The following EEA1 variants were observed in gnomAD, a reference collection of about 807,000 sequenced individuals.
EEA1 encodes early endosome antigen 1.
Under a neutral mutation model 209.2 loss-of-function variants are expected in EEA1, and 111 were observed. The ratio of observed to expected loss-of-function variants is 0.53; its 90% CI spans 0.45 to 0.62. The LOEUF is 0.62. Among genes scored for constraint, EEA1 ranks in the 20% least tolerant of loss-of-function variants. The pLI is 0.00. For missense variants in EEA1, 1,343 were observed against 1,530.8 expected, an observed-to-expected ratio of 0.88 and a Z score of 2.05; for synonymous variants, 536 against 540.6, an observed-to-expected ratio of 0.99 and a Z score of 0.12.
chr12:92,790,537 T>C (rs1010439671), intron 21 of EEA1, among the ~76,000 whole-genome samples: 5 of 152,166 alleles, frequency 3.3e-5, no homozygotes, highest in Middle Eastern at 3.4e-3. Flanking sequence ...GTATCAGTGA[T>C]TGAAGATCAA....
intron 10 of EEA1, among the ~76,000 whole-genome samples, chr12:92,841,913 G>A (rs905182204): frequency 2.0e-5 from 3 of 152,156 alleles, no homozygotes; most frequent in Admixed American, 6.6e-5. Flanking sequence ...AGAGATATTT[G>A]TACAGCCATG....
chr12:92,922,402 T>C (rs1040352243), intron 1 of EEA1, among the ~76,000 whole-genome samples: 2 of 152,234 alleles, frequency 1.3e-5, no homozygotes, highest in African/African-American at 4.8e-5. Context: ...ATTCAAACTT[T>C]CGTTATCCCT....
intron 5 of EEA1, among the ~76,000 whole-genome samples, chr12:92,855,452 T>C (rs931021219): frequency 1.1e-5 from 1 of 90,884 alleles, no homozygotes; most frequent in African/African-American, 4.3e-5. Context: ...AAAAAAAAAA[T>C]GCTATCAAAC....
chr12:92,794,742 G>A (rs1428104282), intron 21 of EEA1, among the ~76,000 whole-genome samples: 1 of 148,850 alleles, frequency 6.7e-6, no homozygotes, highest in African/African-American at 2.5e-5. Flanking sequence ...GGGGTGGGGG[G>A]CTGGGGGAGG....
chr12:92,782,234 A>G, intron 22 of EEA1, 99 bp from the exon 23 acceptor site: 1 of 959,210 alleles, frequency 1.0e-6, no homozygotes, highest in Non-Finnish European at 1.5e-6. Flanking sequence ...AATAAACTAT[A>G]AAAAGATAGC....
chr12:92,906,019 G>A (rs2446969), intron 1 of EEA1, among the ~76,000 whole-genome samples: 52,975 of 151,500 alleles, frequency 0.35, 10,870 homozygotes, highest in East Asian at 0.88. Flanking sequence ...CCATCCTCCC[G>A]CCTCAGCCTA....
intron 2 of EEA1, among the ~76,000 whole-genome samples, chr12:92,890,101 T>A (rs1185115002): frequency 6.6e-6 from 1 of 152,242 alleles, no homozygotes; most frequent in African/African-American, 2.4e-5. Context: ...TAACACATGG[T>A]ACCTGAAGAC....
chr12:92,884,476 T>G, intron 2 of EEA1: 1 of 1,483,550 alleles, frequency 6.7e-7, no homozygotes, highest in Non-Finnish European at 9.3e-7. Flanking sequence ...ATGGCTATAA[T>G]GGATTTGGTA....
chr12:92,801,827 A>G, intron 19 of EEA1, 126 bp from the exon 20 acceptor site: 1 of 540,260 alleles, frequency 1.9e-6, no homozygotes, highest in South Asian at 4.4e-5. Flanking sequence ...AAGATGAGAC[A>G]GGATCATCCA....
intron 2 of EEA1, among the ~76,000 whole-genome samples, chr12:92,878,161 G>A (rs1216798571): frequency 6.6e-6 from 1 of 152,152 alleles, no homozygotes; most frequent in Non-Finnish European, 1.5e-5. Flanking sequence ...AACACTTCAG[G>A]AGGCCAAGGT....
chr12:92,866,429 G>A (rs1055401642), intron 2 of EEA1, among the ~76,000 whole-genome samples: 4 of 151,796 alleles, frequency 2.6e-5, no homozygotes, highest in Admixed American at 1.3e-4. Flanking sequence ...CTTCGGCACT[G>A]TAAGCAACAA....
intron 1 of EEA1, among the ~76,000 whole-genome samples, chr12:92,900,082 CT>C (rs1383315729): frequency 6.6e-6 from 1 of 152,094 alleles, no homozygotes; most frequent in East Asian, 1.9e-4. Flanking sequence ...TTAAAACCTA[CT>C]ATGCTGATCC....
chr12:92,881,083 TC>T (rs1879118065), intron 2 of EEA1, among the ~76,000 whole-genome samples: 3 of 152,116 alleles, frequency 2.0e-5, no homozygotes, highest in Non-Finnish European at 4.4e-5. Context: ...GATGAGGTAG[TC>T]CTCCCACTGC....
chr12:92,851,063 C>CTACA lies in EEA1; in HGVS notation c.798+44_798+47dup, dbSNP rs777274614. ...TCCTGGCTTCACTCAATAGTATACACTACACAAGCTAATATGAATCACATT... is the reference window on the plus strand; with the variant it reads ...TCCTGGCTTCACTCAATAGTATACACTACATACACAAGCTAATATGAATCACATT... On this transcript the variant is annotated intron_variant, in intron 9 of 28. Transcript: ENST00000322349. The CTACA allele has an allele frequency of 2.0e-3, 3,170 of 1,588,744 alleles. 6 individuals carry two copies. Among genetic ancestry groups the CTACA allele is most frequent in the Non-Finnish European group, 2.4e-3 (2,825 of 1,166,548 alleles).
At chr12:92,819,556 A>AGC in intron 13 of EEA1, 45 bp from the exon 14 acceptor site, 1 of 1,360,498 alleles carries the variant, frequency 7.4e-7, no homozygotes. Context: ...GAGAACTTAA[A>AGC]AAGTTATTCC....
intron 22 of EEA1, among the ~76,000 whole-genome samples, chr12:92,783,450 A>C (rs1466206043): frequency 6.6e-6 from 1 of 152,218 alleles, no homozygotes; most frequent in Non-Finnish European, 1.5e-5. Flanking sequence ...CATGGAATAA[A>C]AATAATAACA....
At chr12:92,922,718 C>G (rs549114960) in intron 1 of EEA1, among the ~76,000 whole-genome samples, 1 of 148,518 alleles carries the variant, frequency 6.7e-6, no homozygotes, top group African/African-American at 2.5e-5. Context: ...TTTGGGAAGC[C>G]GAGGCGGGCG....
rs1205789083 is a variant in EEA1 at position 92,891,648 on chromosome 12, T to C, written c.98A>G (p.Asn33Ser). The C allele has an allele frequency of 1.9e-6, 3 of 1,605,776 alleles. No homozygotes were observed. The highest frequency in any genetic ancestry group is 8.5e-7 in the Non-Finnish European group (1 of 1,176,932). ...TCATACCTCTGAAGAGCTTTCATTA[T>C]TGACGTCCACTGTGTTTATAGGAGT... ...SATPINTVDV[N>S]NESSSEGFIC... is the part of the protein sequence containing the mutation. The change falls in exon 2 of 29, where the codon AAT becomes AGT. Residue 33 changes from asparagine (N) to serine (S), a missense_variant. By Grantham distance (46) the Asn-to-Ser change is conservative. Around this residue, in one of 3 missense-constraint regions of EEA1, gnomAD observed 1,307 missense variants for 1,465.5 expected, o/e 0.89. Coordinates refer to ENST00000322349, the MANE Select transcript of EEA1 (RefSeq NM_003566.4).
intron 1 of EEA1, among the ~76,000 whole-genome samples, chr12:92,893,585 A>G (rs1306741913): frequency 6.6e-6 from 1 of 150,758 alleles, no homozygotes; most frequent in Non-Finnish European, 1.5e-5. Flanking sequence ...AAATGATTAT[A>G]AAAACTATAT....
Sources: gnomAD v4.1 joint callset for allele counts (sites outside exome capture counted in the v4.1 genomes callset) on GRCh38, gnomAD v4.1.1 for gene constraint, gnomAD v4.1.1 regional missense constraint, MANE v1.5 for transcripts, NCBI Gene and HGNC (gene_info 2026-07-23, HGNC 2026-07-21) for gene names.